Variants in ERBB4 observed in about 807,000 individuals in gnomAD.
The protein encoded by ERBB4 is erb-b2 receptor tyrosine kinase 4.
In ERBB4, 42 loss-of-function variants were observed where a neutral mutation model predicts 158.0. The observed-to-expected ratio is 0.27, with a 90% CI of 0.21 to 0.34. The LOEUF (loss-of-function observed/expected upper bound fraction) is 0.34. ERBB4 is among the 10% of genes least tolerant of loss of function. The probability of loss-of-function intolerance (pLI) is 1.00; values close to 1 mark genes in which losing one functional copy is unlikely to be tolerated. For synonymous variants in ERBB4, 583 were observed against 558.7 expected (o/e 1.04, Z -0.61); for missense variants, 1,333 against 1,624.1 (o/e 0.82, Z 3.08).
At chr2:211,670,594 T>C (rs574699905) in intron 14 of ERBB4, among the ~76,000 whole-genome samples, 1 of 152,228 alleles carries the variant, frequency 6.6e-6, no homozygotes, top group Admixed American at 6.5e-5. Context: ...GATAAGCACA[T>C]TGAGACTGGA....
At chr2:211,853,989 T>C (rs1178047102) in intron 3 of ERBB4, among the ~76,000 whole-genome samples, 3 of 152,098 alleles carry the variant, frequency 2.0e-5, no homozygotes, top group Non-Finnish European at 2.9e-5. Context: ...ATATGAACCT[T>C]TTAACCCATT....
At chr2:212,096,569 T>C (rs1358272979) in intron 2 of ERBB4, among the ~76,000 whole-genome samples, 2 of 152,198 alleles carry the variant, frequency 1.3e-5, no homozygotes, top group Non-Finnish European at 2.9e-5. Context: ...CAAGTTTATT[T>C]AGATGAGTAA....
chr2:211,685,247 T>A (rs1372225423), intron 12 of ERBB4, among the ~76,000 whole-genome samples: 1 of 152,226 alleles, frequency 6.6e-6, no homozygotes, highest in African/African-American at 2.4e-5. Flanking sequence ...ACCTCAAAAT[T>A]TTATAGCTTT....
At chr2:211,698,249 T>A (rs1252033752) in intron 12 of ERBB4, among the ~76,000 whole-genome samples, 1 of 149,230 alleles carries the variant, frequency 6.7e-6, no homozygotes, top group African/African-American at 2.5e-5. Context: ...GAGGCAGAGG[T>A]TGTCGTGGGC....
At position 211,602,255 on chromosome 2, in the gene ERBB4, A is replaced by G. The variant is rs140747925; in HGVS notation, c.2301+16922T>C. ...AACCTTCCCATAGTTCTTTGACATG[A>G]AAACCTGAGATTTACACGATCTGCC... is the stretch of plus-strand genomic sequence containing the variant. On this transcript the variant is annotated intron_variant, in intron 19 of 27. Coordinates refer to ENST00000342788, the MANE Select transcript of ERBB4 (RefSeq NM_005235.3). Among the ~76,000 whole-genome samples, 967 of 152,112 alleles carry G rather than the reference A, an allele frequency of 6.4e-3. 15 individuals are homozygous for G. The highest frequency in any genetic ancestry group is 0.022 in the African/African-American group (932 of 41,468).
At chr2:211,616,372 T>A (rs998887083) in intron 19 of ERBB4, among the ~76,000 whole-genome samples, 19 of 152,108 alleles carry the variant, frequency 1.2e-4, no homozygotes, top group African/African-American at 4.6e-4. Flanking sequence ...AATAAATGAC[T>A]TTCACATTCT....
chr2:211,977,841 A>G (rs2081659082), intron 2 of ERBB4, among the ~76,000 whole-genome samples: 1 of 134,676 alleles, frequency 7.4e-6, no homozygotes, highest in South Asian at 2.8e-4. Flanking sequence ...CCCGGGCAAC[A>G]GAGCGAAACT....
At chr2:212,417,516 T>C (rs2091684935) in intron 1 of ERBB4, among the ~76,000 whole-genome samples, 1 of 152,008 alleles carries the variant, frequency 6.6e-6, no homozygotes, top group Non-Finnish European at 1.5e-5. Context: ...GGCAAACCAC[T>C]AAAATTGTCT....
At chr2:212,180,160 T>C (rs1359845349) in intron 1 of ERBB4, among the ~76,000 whole-genome samples, 2 of 151,768 alleles carry the variant, frequency 1.3e-5, no homozygotes, top group African/African-American at 4.8e-5. Context: ...ATGTAACATC[T>C]GCCAGTGATA....
At chr2:212,279,685 A>G (rs1166625966) in intron 1 of ERBB4, among the ~76,000 whole-genome samples, 2 of 151,662 alleles carry the variant, frequency 1.3e-5, no homozygotes, top group African/African-American at 2.4e-5. Context: ...TCTTCAAAAA[A>G]TATGCCAATA....
At chr2:211,722,577 T>A (rs2074138213) in intron 6 of ERBB4, 43 bp from the exon 7 acceptor site, 5 of 1,589,232 alleles carry the variant, frequency 3.1e-6, no homozygotes, top group South Asian at 1.1e-5. Context: ...AATAAACTCA[T>A]AATACTTGTT....
intron 20 of ERBB4, among the ~76,000 whole-genome samples, chr2:211,455,123 A>G (rs1450458939): frequency 6.6e-6 from 1 of 152,222 alleles, no homozygotes; most frequent in Non-Finnish European, 1.5e-5. Flanking sequence ...ATTCATTAGC[A>G]CAGTAGAACA....
intron 1 of ERBB4, among the ~76,000 whole-genome samples, chr2:212,369,927 C>T (rs2090027865): frequency 6.6e-6 from 1 of 151,986 alleles, no homozygotes; most frequent in Non-Finnish European, 1.5e-5. Context: ...TTGTGAAAAA[C>T]ATTTCATGTC....
intron 17 of ERBB4, among the ~76,000 whole-genome samples, chr2:211,626,098 T>G (rs917401163): frequency 2.0e-5 from 3 of 152,172 alleles, no homozygotes; most frequent in Non-Finnish European, 4.4e-5. Context: ...ATCTGTGAAG[T>G]AGGTGTAGCA....
chr2:211,935,294 C>A (rs953577035), intron 3 of ERBB4, among the ~76,000 whole-genome samples: 3 of 152,082 alleles, frequency 2.0e-5, no homozygotes, highest in Non-Finnish European at 4.4e-5. Flanking sequence ...TATTTTAGAG[C>A]ATGTCTATGA....
intron 1 of ERBB4, among the ~76,000 whole-genome samples, chr2:212,227,961 G>A (rs1362564729): frequency 6.6e-6 from 1 of 152,146 alleles, no homozygotes; most frequent in Non-Finnish European, 1.5e-5. Flanking sequence ...AGAACTCATG[G>A]CTTTCTGCCA....
chr2:211,808,973 A>AT (rs2076685329), intron 3 of ERBB4, among the ~76,000 whole-genome samples: 1 of 152,088 alleles, frequency 6.6e-6, no homozygotes, highest in African/African-American at 2.4e-5. Context: ...TTGCACATTG[A>AT]TTTTGTATCC....
intron 3 of ERBB4, among the ~76,000 whole-genome samples, chr2:211,850,652 A>G (rs546187747): frequency 1.3e-5 from 2 of 151,832 alleles, no homozygotes; most frequent in Non-Finnish European, 2.9e-5. Flanking sequence ...GCTGTCATGT[A>G]TGATTAGAAG....
At chr2:211,886,790 C>A (rs1575318164) in intron 3 of ERBB4, among the ~76,000 whole-genome samples, 1 of 152,280 alleles carries the variant, frequency 6.6e-6, no homozygotes, top group East Asian at 1.9e-4. Context: ...GCAGACTGTC[C>A]TATTACTTGT....
Sources: allele counts gnomAD v4.1 joint callset (sites outside exome capture counted in the v4.1 genomes callset), GRCh38; gene constraint gnomAD v4.1.1; transcripts MANE v1.5; gene names NCBI Gene and HGNC (gene_info 2026-07-23, HGNC 2026-07-21).